The following OR2T12 variants were observed in gnomAD, a reference collection of about 807,000 sequenced individuals.
The protein encoded by OR2T12 is olfactory receptor family 2 subfamily T member 12.
For synonymous variants in OR2T12, 127 were observed against 160.5 expected (o/e 0.79, Z 1.58); for missense variants, 335 against 404.3 (o/e 0.83, Z 1.47).
At position 248,295,606 on chromosome 1, in the gene OR2T12, G is replaced by A. The variant is rs779954848; in HGVS notation, c.-8-20C>T. ...TTTCCCCTGGTGTGATGGTGCAAAT[G>A]GAAAAATAGAGAAAGAAGAGGCTTT... is the stretch of plus-strand genomic sequence containing the variant. On this transcript the variant is annotated intron_variant, in intron 2 of 2. Transcript: ENST00000641276. 8.4e-6 allele frequency: 13 copies of A among 1,543,948 alleles called. No individual in the cohort carries two copies. In the Admixed American group the frequency reaches 2.6e-4, roughly 31 times the overall value.
In OR2T12 at chr1:248,291,920, A is replaced by G. The variant is rs534459751; in HGVS notation, c.*2696T>C. Reference sequence around the variant, plus strand: ...ACTGGACCCCTTCCTTCAACTTTATACAAAAAATCACTCAAGATGAAGACT... The same window carrying G: ...ACTGGACCCCTTCCTTCAACTTTATGCAAAAAATCACTCAAGATGAAGACT... On this transcript the variant is annotated 3_prime_UTR_variant, in exon 3 of 3. Coordinates refer to ENST00000641276, the MANE Select transcript of OR2T12 (RefSeq NM_001004692.2). 2.0e-5 allele frequency: 3 copies of G among 152,314 alleles called. No homozygotes were observed. The highest frequency in any genetic ancestry group is 4.1e-4 in the South Asian group (2 of 4,828). 9.4% of individuals were successfully genotyped at this position (152,314 alleles called of 1,614,324 possible).
rs1024718774 is a variant in OR2T12 at position 248,292,547 on chromosome 1, A to G, written c.*2069T>C. Reference sequence around the variant, plus strand: ...TATGCAAACCTTTATTAAGAAAATAAGAGTAGAAACATCTGCAAGTTACAA... The same window carrying G: ...TATGCAAACCTTTATTAAGAAAATAGGAGTAGAAACATCTGCAAGTTACAA... On this transcript the variant is annotated 3_prime_UTR_variant, in exon 3 of 3. Coordinates refer to ENST00000641276, the MANE Select transcript of OR2T12 (RefSeq NM_001004692.2). The G allele has an allele frequency of 1.4e-4, 22 of 152,256 alleles. No individual in the cohort carries two copies. Among genetic ancestry groups the G allele is most frequent in the East Asian group, 3.9e-4 (2 of 5,194 alleles). 9.4% of individuals were successfully genotyped at this position (152,256 alleles called of 1,614,324 possible).
rs1659631120 is a variant in OR2T12, at chr1:248,291,348, A to G, written c.*3268T>C. On this transcript the variant is annotated 3_prime_UTR_variant, in exon 3 of 3. Coordinates refer to ENST00000641276, the MANE Select transcript of OR2T12 (RefSeq NM_001004692.2). ...TGAATTCCCATTCAGAATTGCTACA[A>G]AGGGAATAAAACACCTAGGAATACA... 6.6e-6 allele frequency: 1 copy of G among 152,186 alleles called. No homozygotes were observed. Among genetic ancestry groups the G allele is most frequent in the Admixed American group, 6.5e-5 (1 of 15,272 alleles). 9.4% of individuals were successfully genotyped at this position (152,186 alleles called of 1,614,324 possible).
intron 2 of OR2T12, among the ~76,000 whole-genome samples, chr1:248,296,297 T>C (rs1265066400): frequency 6.6e-6 from 1 of 152,212 alleles, no homozygotes; most frequent in African/African-American, 2.4e-5. Context: ...CTATTGTGAA[T>C]AGTGCCGCAA....
chr1:248,301,732 A>C (rs912434736), intron 1 of OR2T12, among the ~76,000 whole-genome samples, 179 bp from the exon 2 acceptor site: 3 of 152,094 alleles, frequency 2.0e-5, no homozygotes, highest in Admixed American at 2.0e-4. Context: ...CTGTTGTAAT[A>C]AATTCCGTCA....
chr1:248,298,169 A>T (rs959226020), intron 2 of OR2T12, among the ~76,000 whole-genome samples: 1 of 152,218 alleles, frequency 6.6e-6, no homozygotes, highest in African/African-American at 2.4e-5. Context: ...ATTTGCTTAT[A>T]TTGAACCAGC....
Position 248,292,497 on chromosome 1 carries a change from CATTTTGAAG to C in OR2T12, c.*2110_*2118del. On this transcript the variant is annotated 3_prime_UTR_variant, in exon 3 of 3. Transcript: ENST00000641276. ...TATAAGTGTCTGAAAGTTAACCTGT[CATTTTGAAG>C]ATTTTGAAGATTTTCTATGCAAACC... The C allele has an allele frequency of 6.6e-6, 1 of 152,014 alleles. No homozygotes were observed. The highest frequency in any genetic ancestry group is 3.2e-3 in the Middle Eastern group (1 of 316). The allele number at this position is 152,014 out of a possible 1,614,324, so 9.4% of individuals were successfully genotyped here.
At chr1:248,296,082 C>T (rs1659722191) in intron 2 of OR2T12, among the ~76,000 whole-genome samples, 1 of 150,722 alleles carries the variant, frequency 6.6e-6, no homozygotes, top group Admixed American at 6.6e-5. Context: ...TCAGTTCCCA[C>T]CTATGAGTGA....
chr1:248,299,351 C>A (rs1659780432), intron 2 of OR2T12, among the ~76,000 whole-genome samples: 1 of 151,794 alleles, frequency 6.6e-6, no homozygotes, highest in Admixed American at 6.6e-5. Flanking sequence ...ATCTACCAAG[C>A]AAATGGAAAA....
Position 248,298,829 on chromosome 1 carries a change from G to A in OR2T12, c.-9+2544C>T, listed in dbSNP as rs190354813. 2.5e-3 allele frequency among the ~76,000 whole-genome samples: 381 copies of A among 151,338 alleles called. 5 individuals carry two copies. In the East Asian group the frequency reaches 0.027, roughly 11 times the overall value. On this transcript the variant is annotated intron_variant, in intron 2 of 2. Transcript: ENST00000641276. ...TCCTGGATTCATTAATTTTTTGAAG[G>A]GTTTTTTGTGCCTCTATTTCCTTCA...
chr1:248,298,951 G>C (rs1282124614), intron 2 of OR2T12, among the ~76,000 whole-genome samples: 1 of 152,064 alleles, frequency 6.6e-6, no homozygotes, highest in African/African-American at 2.4e-5. Flanking sequence ...CATAAGTGAA[G>C]GAGAAATAAA....
chr1:248,299,348 A>G (rs1197193991), intron 2 of OR2T12, among the ~76,000 whole-genome samples: 1 of 152,124 alleles, frequency 6.6e-6, no homozygotes, highest in African/African-American at 2.4e-5. Flanking sequence ...AAGATCTACC[A>G]AGCAAATGGA....
rs370473498 is a variant in OR2T12, at chr1:248,295,559, G to A, written c.20C>T (p.Thr7Ile). ...GAGTCCTAGGAGAATAAAATCTGGGGTAGTATTTCTCATCTCCATAATTTC... is the reference window on the plus strand; with the variant it reads ...GAGTCCTAGGAGAATAAAATCTGGGATAGTATTTCTCATCTCCATAATTTC... MEMRNT[T>I]PDFILLGLFN... is the part of the protein sequence containing the mutation. Residue 7 changes from threonine to isoleucine, a missense_variant, in exon 3 of 3, where the codon ACC (threonine) becomes ATC (isoleucine). Thr to Ile is a moderately conservative substitution (Grantham distance 89). Coordinates refer to ENST00000641276, the MANE Select transcript of OR2T12 (RefSeq NM_001004692.2). The A allele has an allele frequency of 1.4e-4, 226 of 1,584,246 alleles. 1 individual carries two copies. The highest frequency in any genetic ancestry group is 1.9e-4 in the Non-Finnish European group (220 of 1,165,402).
At chr1:248,296,109 G>GT (rs1265326717) in intron 2 of OR2T12, among the ~76,000 whole-genome samples, 14 of 151,514 alleles carry the variant, frequency 9.2e-5, no homozygotes, top group Non-Finnish European at 1.2e-4. Context: ...CCGGTGTTTG[G>GT]TTTTTTGTCC....
Position 248,294,807 on chromosome 1 carries a change from T to G in OR2T12, c.772A>C (p.Met258Leu). The stretch of plus-strand genomic sequence containing the variant: ...GTGGACCTGTGGGATTTGGGTCTCA[T>G]ATAGGTAAAAATGCCAGCTCCATAA... Reference protein sequence around the residue: ...LFYGAGIFTYMRPKSHRSTNH... With the variant: ...LFYGAGIFTYLRPKSHRSTNH... Residue 258 changes from methionine to leucine, a missense_variant, in exon 3 of 3, where the codon ATG (methionine) becomes CTG (leucine). Met to Leu is a conservative substitution (Grantham distance 15, BLOSUM62 2). Transcript: ENST00000641276. 2.5e-6 allele frequency: 4 copies of G among 1,613,646 alleles called. No individual in the cohort carries two copies. Among genetic ancestry groups the G allele is most frequent in the Non-Finnish European group, 3.4e-6 (4 of 1,179,842 alleles).
rs571528583 is a variant in OR2T12 at position 248,297,155 on chromosome 1, G to A, written c.-8-1569C>T. 3.4e-3 allele frequency among the ~76,000 whole-genome samples: 511 copies of A among 151,978 alleles called. 4 individuals are homozygous for A. The highest frequency in any genetic ancestry group is 0.012 in the African/African-American group (491 of 41,400). On this transcript the variant is annotated intron_variant, in intron 2 of 2. Transcript: ENST00000641276. ...TTTTTCTCAGGTTGGTCAAAGATCA[G>A]ATAGTTGTAGATATGCAGCGTTATT...
intron 2 of OR2T12, among the ~76,000 whole-genome samples, chr1:248,296,470 A>G (rs1391851356): frequency 2.0e-5 from 3 of 152,184 alleles, no homozygotes; most frequent in African/African-American, 7.2e-5. Flanking sequence ...CAGCCCCACC[A>G]ACAGTGTAAA....
Position 248,294,771 on chromosome 1 carries a change from T to C in OR2T12, c.808A>G (p.Lys270Glu). ...ATAGTATAGAAGGCTGACACAACCT[T>C]ATCGTGGTTAGTGGACCTGTGGGAT... The part of the protein sequence containing the change: ...PKSHRSTNHD[K>E]VVSAFYTMFT... Residue 270 changes from lysine to glutamate, a missense_variant, in exon 3 of 3, where the codon AAG becomes GAG. Lys to Glu is a moderately conservative substitution (Grantham distance 56, BLOSUM62 1). Coordinates refer to ENST00000641276, the MANE Select transcript of OR2T12 (RefSeq NM_001004692.2). 6.2e-7 allele frequency: 1 copy of C among 1,613,940 alleles called. No homozygotes were observed. The highest frequency in any genetic ancestry group is 8.5e-7 in the Non-Finnish European group (1 of 1,179,932).
chr1:248,302,137 C>A (rs893188017), intron 1 of OR2T12, among the ~76,000 whole-genome samples: 3 of 151,696 alleles, frequency 2.0e-5, no homozygotes, highest in Admixed American at 6.6e-5. Flanking sequence ...ATGACGTTAC[C>A]CTTTTGCAGT....
Sources: gnomAD v4.1 joint callset for allele counts (sites outside exome capture counted in the v4.1 genomes callset) on GRCh38, gnomAD v4.1.1 for gene constraint, MANE v1.5 for transcripts, NCBI Gene and HGNC (gene_info 2026-07-23, HGNC 2026-07-21) for gene names.